The following KLRF1 variants were observed in gnomAD, a reference collection of about 807,000 sequenced individuals.
The protein encoded by KLRF1 is killer cell lectin like receptor F1, also known as killer cell lectin-like receptor subfamily F member 1.
In KLRF1, 27 loss-of-function variants were observed where a neutral mutation model predicts 30.7. The observed-to-expected ratio is 0.88, with a 90% CI of 0.65 to 1.21. The LOEUF is 1.21. KLRF1 is among the 50% of genes most tolerant of loss of function. The pLI is 0.00. For missense variants in KLRF1, 246 were observed against 259.3 expected (o/e 0.95, Z 0.35); for synonymous variants, 92 against 89.3 (o/e 1.03, Z -0.17).
intron 1 of KLRF1, among the ~76,000 whole-genome samples, chr12:9,830,413 T>C (rs894634199): frequency 6.6e-6 from 1 of 152,102 alleles, no homozygotes; most frequent in East Asian, 1.9e-4. Flanking sequence ...ATATTTTTCT[T>C]CATTGAATTA....
At chr12:9,815,319 A>G in the KLRF1 span, among the ~76,000 whole-genome samples, 10 of 152,352 alleles carry the variant, frequency 6.6e-5, no homozygotes, top group African/African-American at 2.2e-4. Flanking sequence ...TTATTTGTGG[A>G]AGTAACAGAA....
the KLRF1 span, among the ~76,000 whole-genome samples, chr12:9,812,439 T>C: frequency 4.0e-5 from 6 of 151,302 alleles, no homozygotes; most frequent in African/African-American, 1.2e-4. Flanking sequence ...GTCTGACTTA[T>C]GGCAGGACAG....
At chr12:9,831,106 A>G (rs1049716023) in intron 1 of KLRF1, among the ~76,000 whole-genome samples, 9 of 151,936 alleles carry the variant, frequency 5.9e-5, no homozygotes, top group Non-Finnish European at 1.2e-4. Flanking sequence ...ACCACCTTCC[A>G]CAACTTTTTT....
At chr12:9,816,733 C>CTTT in the KLRF1 span, among the ~76,000 whole-genome samples, 5 of 132,838 alleles carry the variant, frequency 3.8e-5, no homozygotes, top group African/African-American at 8.5e-5. Context: ...GCATTCTCTT[C>CTTT]TTTTTTTTTT....
chr12:9,833,590 A>T (rs1002252926), intron 3 of KLRF1, 138 bp downstream of exon 3: 1 of 643,230 alleles, frequency 1.6e-6, no homozygotes, highest in Admixed American at 3.8e-5. Flanking sequence ...TCAAAACTCG[A>T]TTTAGGTATC....
intron 3 of KLRF1, among the ~76,000 whole-genome samples, chr12:9,834,486 C>T (rs1302482259): frequency 1.3e-5 from 2 of 151,742 alleles, no homozygotes; most frequent in Non-Finnish European, 2.9e-5. Context: ...TTAGGTGTGG[C>T]GTGGGAACCT....
upstream of KLRF1, among the ~76,000 whole-genome samples, chr12:9,822,610 A>T (rs879406784): frequency 3.9e-5 from 6 of 152,260 alleles, no homozygotes; most frequent in Admixed American, 1.3e-4. Context: ...GATCAAATCC[A>T]CACATATGAA....
rs149569033 is a variant in KLRF1, at chr12:9,837,036, G to A, written c.334+3584G>A. ...TTCATGATGTTTAGAACCTTCAAAC[G>A]TTGTGAACTACCATGTTTATCTAGT... On this transcript the variant is annotated intron_variant, in intron 3 of 5. Transcript: ENST00000617889. Among the ~76,000 whole-genome samples, 513 of 152,074 alleles carry A rather than the reference G, an allele frequency of 3.4e-3. 14 individuals carry two copies. The highest frequency in any genetic ancestry group is 0.032 in the Admixed American group (492 of 15,236).
chr12:9,835,806 G>A (rs1452279027), intron 3 of KLRF1, among the ~76,000 whole-genome samples: 2 of 152,050 alleles, frequency 1.3e-5, no homozygotes, highest in Admixed American at 6.6e-5. Flanking sequence ...AGTTTGTGTT[G>A]TGAGAGGTCC....
chr12:9,827,671 C>A, intron 1 of KLRF1, 42 bp downstream of exon 1: 2 of 1,142,572 alleles, frequency 1.8e-6, no homozygotes, highest in Non-Finnish European at 2.6e-6. Context: ...TGTGAATTAA[C>A]ATGGTAGTTT....
intron 3 of KLRF1, among the ~76,000 whole-genome samples, chr12:9,835,948 C>T (rs1867566748): frequency 6.6e-6 from 1 of 151,920 alleles, no homozygotes; most frequent in African/African-American, 2.4e-5. Context: ...ATGAGTTCTT[C>T]AGGAGGGTAA....
rs146460124 is a variant in KLRF1, at chr12:9,832,369, G to A, written c.139G>A (p.Val47Met). ...YKILLGISGT[V>M]NGILTLTLIS... ...AATCTTACTGGGAATATCTGGAACCGTGAATGGTATTCTCACTTTGACTTT... is the reference window on the plus strand; with the variant it reads ...AATCTTACTGGGAATATCTGGAACCATGAATGGTATTCTCACTTTGACTTT... The change falls in exon 2 of 6, where the codon GTG becomes ATG. Residue 47 changes from valine (V) to methionine (M), a missense_variant. By Grantham distance (21) the Val-to-Met change is conservative. Transcript: ENST00000617889. 7,326 of 1,609,404 alleles carry A rather than the reference G, an allele frequency of 4.6e-3. 110 individuals are homozygous for A. The highest frequency in any genetic ancestry group is 0.032 in the South Asian group (2,917 of 90,728).
intron 3 of KLRF1, among the ~76,000 whole-genome samples, chr12:9,838,344 T>G (rs1867629541): frequency 6.6e-6 from 1 of 152,128 alleles, no homozygotes; most frequent in African/African-American, 2.4e-5. Flanking sequence ...TAAAGTGATT[T>G]TTCTGGGGGG....
At chr12:9,830,288 G>T (rs746969528) in intron 1 of KLRF1, among the ~76,000 whole-genome samples, 1 of 151,756 alleles carries the variant, frequency 6.6e-6, no homozygotes, top group African/African-American at 2.4e-5. Context: ...ACTATTTTTT[G>T]TTTCTGGAAT....
the KLRF1 span, among the ~76,000 whole-genome samples, chr12:9,820,684 C>G: frequency 6.6e-6 from 1 of 152,206 alleles, no homozygotes; most frequent in Non-Finnish European, 1.5e-5. Context: ...CACAACCACC[C>G]TGCCCCCAAC....
chr12:9,813,697 G>C, the KLRF1 span, among the ~76,000 whole-genome samples: 1 of 152,150 alleles, frequency 6.6e-6, no homozygotes, highest in Non-Finnish European at 1.5e-5. Flanking sequence ...GCAGAGAAGC[G>C]ACAGGAAAGC....
At chr12:9,809,875 G>T in the KLRF1 span, among the ~76,000 whole-genome samples, 10,578 of 151,854 alleles carry the variant, frequency 0.07, 474 homozygotes, top group East Asian at 0.2. Context: ...TATTGACTGT[G>T]CCTATGGATT....
intron 3 of KLRF1, among the ~76,000 whole-genome samples, chr12:9,836,042 G>C (rs1333997805): frequency 6.6e-6 from 1 of 152,008 alleles, no homozygotes; most frequent in Non-Finnish European, 1.5e-5. Flanking sequence ...CAGCTGTGTA[G>C]GCGCTGGAAG....
chr12:9,807,101 A>G, the KLRF1 span, among the ~76,000 whole-genome samples: 1 of 151,948 alleles, frequency 6.6e-6, no homozygotes. Context: ...TTTAATGTTT[A>G]CTGTAGGGCT....
Sources: allele counts gnomAD v4.1 joint callset (sites outside exome capture counted in the v4.1 genomes callset), GRCh38; gene constraint gnomAD v4.1.1; transcripts MANE v1.5; gene names NCBI Gene and HGNC (gene_info 2026-07-23, HGNC 2026-07-21).